Variants in EIPR1 observed in about 807,000 individuals in gnomAD.
EIPR1 encodes the protein EARP and GARP complex-interacting protein 1.
EIPR1 carries 25 observed loss-of-function variants against 48.1 expected under a neutral mutation model. The observed-to-expected ratio is 0.52, with a 90% CI of 0.38 to 0.73. The LOEUF (loss-of-function observed/expected upper bound fraction) is 0.73. EIPR1 is among the 30% of genes least tolerant of loss of function. The pLI is 0.00. For synonymous variants in EIPR1, 204 were observed against 201.9 expected (o/e 1.01, Z -0.09); for missense variants, 415 against 506.2 (o/e 0.82, Z 1.73).
At chr2:3,210,718 C>G (rs1221593035) in intron 5 of EIPR1, among the ~76,000 whole-genome samples, 4 of 150,822 alleles carry the variant, frequency 2.7e-5, no homozygotes, top group Admixed American at 2.0e-4. Flanking sequence ...CAACCTCCAC[C>G]TCCCAGGTTC....
At chr2:3,261,906 C>A (rs1667345953) in intron 3 of EIPR1, 1 of 152,242 alleles carries the variant, frequency 6.6e-6, no homozygotes, top group African/African-American at 2.4e-5. Context: ...GTGGTAGAGA[C>A]CTGCGCTTAC....
intron 3 of EIPR1, among the ~76,000 whole-genome samples, chr2:3,335,682 TG>T (rs1670021486): frequency 6.6e-6 from 1 of 152,200 alleles, no homozygotes; most frequent in Non-Finnish European, 1.5e-5. Context: ...GGGAGATGAC[TG>T]GATCACAGGG....
chr2:3,345,563 T>C (rs1345397581), intron 2 of EIPR1, among the ~76,000 whole-genome samples: 2 of 151,808 alleles, frequency 1.3e-5, no homozygotes, highest in Non-Finnish European at 2.9e-5. Context: ...AGGCAGAGGT[T>C]TTAGTAAGCT....
At chr2:3,257,098 C>A (rs1049880807) in intron 4 of EIPR1, among the ~76,000 whole-genome samples, 1 of 152,186 alleles carries the variant, frequency 6.6e-6, no homozygotes, top group Non-Finnish European at 1.5e-5. Flanking sequence ...GGGATGCAGG[C>A]GCGCTGGCTA....
intron 4 of EIPR1, among the ~76,000 whole-genome samples, chr2:3,249,969 T>C (rs1572354988): frequency 1.3e-5 from 2 of 152,090 alleles, no homozygotes; most frequent in Non-Finnish European, 2.9e-5. Context: ...ATGGGATACA[T>C]GGGAAAGCCT....
intron 3 of EIPR1, among the ~76,000 whole-genome samples, chr2:3,309,543 T>C (rs1669058142): frequency 1.3e-5 from 2 of 152,004 alleles, no homozygotes; most frequent in East Asian, 1.9e-4. Flanking sequence ...AAGACAGAGA[T>C]TGGCAGAGGG....
intron 3 of EIPR1, chr2:3,319,199 G>A: frequency 3.0e-6 from 1 of 332,288 alleles, no homozygotes; most frequent in South Asian, 2.4e-5. Flanking sequence ...TATACAACAA[G>A]GCGTATTTAC....
intron 3 of EIPR1, among the ~76,000 whole-genome samples, chr2:3,273,924 G>T (rs1667772098): frequency 6.6e-6 from 1 of 152,096 alleles, no homozygotes; most frequent in Non-Finnish European, 1.5e-5. Context: ...ATAAAAGCTG[G>T]ATTATGAGCA....
intron 3 of EIPR1, among the ~76,000 whole-genome samples, chr2:3,291,821 A>T (rs527938317): frequency 6.6e-6 from 1 of 152,310 alleles, no homozygotes; most frequent in Non-Finnish European, 1.5e-5. Context: ...CGTTTTCCTG[A>T]TTTTCTTGGA....
At chr2:3,295,976 C>A (rs562413734) in intron 3 of EIPR1, among the ~76,000 whole-genome samples, 21 of 131,644 alleles carry the variant, frequency 1.6e-4, no homozygotes, top group African/African-American at 5.8e-4. Context: ...TCTCTCTGCA[C>A]ACACACCCTC....
In EIPR1 at chr2:3,331,255, ACT is replaced by A. The variant is rs1234311393; in HGVS notation, c.259+6760_259+6761del. On this transcript the variant is annotated intron_variant, in intron 3 of 8. Transcript: ENST00000382125. ...TGTCAGCAGAGGCAGGTGTGTACAC[ACT>A]CATGAGATGGTGTGAGCAGAGGCAG... Among the ~76,000 whole-genome samples the A allele has an allele frequency of 1.9e-4, 19 of 100,248 alleles. 4 individuals are homozygous for A. The highest frequency in any genetic ancestry group is 7.5e-4 in the African/African-American group (16 of 21,276). 65.8% of individuals were successfully genotyped at this position (100,248 alleles called of 152,430 possible).
chr2:3,373,549 T>C lies in EIPR1; in HGVS notation c.42+4099A>G, dbSNP rs1659766165. Among the ~76,000 whole-genome samples the C allele has an allele frequency of 2.6e-5, 4 of 151,606 alleles. No individual in the cohort carries two copies. The South Asian group carries it at 8.3e-4, about 32-fold the overall frequency. On this transcript the variant is annotated intron_variant, in intron 1 of 8. Transcript: ENST00000382125. Reference sequence around the variant, plus strand: ...GCAAAGTCTCAGGATACAAAATCAATGTACAAAAATCACAAGCATTCTTAT... The same window carrying C: ...GCAAAGTCTCAGGATACAAAATCAACGTACAAAAATCACAAGCATTCTTAT...
At chr2:3,373,424 G>A (rs954968332) in intron 1 of EIPR1, among the ~76,000 whole-genome samples, 2 of 152,202 alleles carry the variant, frequency 1.3e-5, no homozygotes, top group Admixed American at 1.3e-4. Flanking sequence ...ATTAGGAAAA[G>A]AGGAAGTCAA....
chr2:3,282,363 T>A (rs1668038942), intron 3 of EIPR1: 1 of 152,292 alleles, frequency 6.6e-6, no homozygotes, highest in Admixed American at 6.5e-5. Flanking sequence ...CTTTCCAGCC[T>A]TTTGTGTGGA....
chr2:3,294,592 C>T (rs552764679), intron 3 of EIPR1, among the ~76,000 whole-genome samples: 1 of 147,304 alleles, frequency 6.8e-6, no homozygotes, highest in Non-Finnish European at 1.5e-5. Flanking sequence ...CACACATACA[C>T]CCTCCATCCA....
chr2:3,194,104 T>G lies in EIPR1; in HGVS notation c.716A>C (p.Asn239Thr). 3 of 1,613,984 alleles carry G rather than the reference T, an allele frequency of 1.9e-6. No homozygotes were observed. Among genetic ancestry groups the G allele is most frequent in the Non-Finnish European group, 2.5e-6 (3 of 1,180,006 alleles). ...QLVRDLDFNP[N>T]KQYYLASCGD... The stretch of plus-strand genomic sequence containing the variant: ...GCAGCTGGCCAAGTAGTACTGCTTA[T>G]TGGGATTAAAGTCAAGGTCCCGCAC... Residue 239 changes from asparagine (N) to threonine (T), a missense_variant, in exon 7 of 9, where the codon AAT (asparagine) becomes ACT (threonine). Physicochemically the swap from Asn to Thr is moderately conservative, Grantham distance 65. Transcript: ENST00000382125.
intron 3 of EIPR1, among the ~76,000 whole-genome samples, chr2:3,266,061 G>A (rs908246008): frequency 1.3e-5 from 2 of 152,208 alleles, no homozygotes; most frequent in African/African-American, 2.4e-5. Context: ...AGGCATATTC[G>A]CGACTGCCAA....
At chr2:3,229,574 C>A (rs1343181136) in intron 4 of EIPR1, among the ~76,000 whole-genome samples, 6 of 152,222 alleles carry the variant, frequency 3.9e-5, no homozygotes, top group African/African-American at 4.8e-5. Context: ...TACATTTCTG[C>A]AACCAGGCTG....
chr2:3,261,915 A>ACTAC (rs1667346374), intron 3 of EIPR1: 1 of 152,230 alleles, frequency 6.6e-6, no homozygotes, highest in Admixed American at 6.5e-5. Flanking sequence ...ACCTGCGCTT[A>ACTAC]CTTTAAGAAT....
Sources: allele counts gnomAD v4.1 joint callset (sites outside exome capture counted in the v4.1 genomes callset), GRCh38; gene constraint gnomAD v4.1.1; transcripts MANE v1.5; gene names NCBI Gene and HGNC (gene_info 2026-07-23, HGNC 2026-07-21).